Variants in RCHY1 observed in about 807,000 individuals in gnomAD.
RCHY1 encodes RING finger and CHY zinc finger domain-containing protein 1.
A neutral mutation model predicts 41.6 loss-of-function variants in RCHY1; 21 were observed. The observed-to-expected ratio is 0.51, with a 90% CI of 0.36 to 0.73. The LOEUF (loss-of-function observed/expected upper bound fraction) is 0.73, where lower values mean the gene tolerates loss of function less well. Among genes scored for constraint, RCHY1 ranks in the 30% least tolerant of loss-of-function variants. The probability of loss-of-function intolerance (pLI) is 0.00; values close to 1 mark genes in which losing one functional copy is unlikely to be tolerated. For missense variants in RCHY1, 265 were observed against 325.3 expected, an observed-to-expected ratio of 0.81 and a Z score of 1.43; for synonymous variants, 79 against 102.9, an observed-to-expected ratio of 0.77 and a Z score of 1.41.
intron 3 of RCHY1, among the ~76,000 whole-genome samples, chr4:75,495,420 A>G (rs573938975): frequency 1.3e-5 from 2 of 152,142 alleles, no homozygotes; most frequent in Admixed American, 6.6e-5. Flanking sequence ...TTCTACAATG[A>G]TAGGGTATTT....
intron 3 of RCHY1, among the ~76,000 whole-genome samples, chr4:75,503,489 G>A (rs1338086758): frequency 6.6e-6 from 1 of 152,110 alleles, no homozygotes; most frequent in African/African-American, 2.4e-5. Context: ...GAGGTCAGGA[G>A]ATCAAGACCA....
chr4:75,490,391 C>CT (rs968421016), intron 8 of RCHY1, among the ~76,000 whole-genome samples, 190 bp downstream of exon 8: 125 of 151,124 alleles, frequency 8.3e-4, no homozygotes, highest in African/African-American at 2.9e-3. Flanking sequence ...ATTCTTAAGA[C>CT]TTTTTTTTTC....
chr4:75,492,735 T>G (rs1390603228), intron 4 of RCHY1, among the ~76,000 whole-genome samples: 1 of 151,608 alleles, frequency 6.6e-6, no homozygotes, highest in Non-Finnish European at 1.5e-5. Context: ...TAGATGTAAG[T>G]TTTTGAAAGA....
chr4:75,514,400 A>C lies in RCHY1; in HGVS notation c.-114T>G, dbSNP rs946503330. 5 of 1,220,030 alleles carry C rather than the reference A, an allele frequency of 4.1e-6. No homozygotes were observed. Among genetic ancestry groups the C allele is most frequent in the African/African-American group, 1.5e-5 (1 of 66,464 alleles). The allele number at this position is 1,220,030 out of a possible 1,614,324, so 75.6% of individuals were successfully genotyped here. Reference sequence around the variant, plus strand: ...CCAGCCCCAGCGGCCACTAGCGACAATATGGCTCCTAAGCACGTGACCCGG... The same window carrying C: ...CCAGCCCCAGCGGCCACTAGCGACACTATGGCTCCTAAGCACGTGACCCGG... On this transcript the variant is annotated 5_prime_UTR_variant, in exon 1 of 9. Coordinates refer to ENST00000324439, the MANE Select transcript of RCHY1 (RefSeq NM_015436.4).
intron 8 of RCHY1, among the ~76,000 whole-genome samples, chr4:75,488,843 G>A (rs1216041101): frequency 3.9e-5 from 6 of 152,104 alleles, no homozygotes; most frequent in Admixed American, 3.3e-4. Flanking sequence ...TTGGGAGACC[G>A]AGGCGGGTGG....
At chr4:75,512,454 A>G (rs768148110) in intron 1 of RCHY1, among the ~76,000 whole-genome samples, 2 of 151,542 alleles carry the variant, frequency 1.3e-5, no homozygotes, top group African/African-American at 2.4e-5. Context: ...TCTAAGGCCA[A>G]CTCCTTCACT....
intron 3 of RCHY1, among the ~76,000 whole-genome samples, chr4:75,508,166 CAAG>C (rs1281542588): frequency 6.6e-6 from 1 of 151,942 alleles, no homozygotes; most frequent in Non-Finnish European, 1.5e-5. Flanking sequence ...CCAGCAGGGA[CAAG>C]AAGAAAGGAC....
intron 3 of RCHY1, among the ~76,000 whole-genome samples, chr4:75,506,622 A>C (rs899014196): frequency 3.3e-5 from 5 of 151,400 alleles, no homozygotes; most frequent in African/African-American, 1.2e-4. Context: ...AAAGAAAATC[A>C]AAGTAGGAGA....
chr4:75,493,803 G>C (rs1254716327), intron 4 of RCHY1, among the ~76,000 whole-genome samples: 1 of 151,738 alleles, frequency 6.6e-6, no homozygotes, highest in Non-Finnish European at 1.5e-5. Context: ...CTGTTTTAAA[G>C]TTATTCTTAA....
intron 3 of RCHY1, among the ~76,000 whole-genome samples, chr4:75,504,990 C>A (rs1724156436): frequency 6.6e-6 from 1 of 152,130 alleles, no homozygotes; most frequent in South Asian, 2.1e-4. Flanking sequence ...TTACTGTGCA[C>A]CTACTGTATA....
At chr4:75,486,994 T>C (rs534991734) in intron 8 of RCHY1, among the ~76,000 whole-genome samples, 15 of 152,118 alleles carry the variant, frequency 9.9e-5, no homozygotes, top group Admixed American at 9.2e-4. Flanking sequence ...AAAATTTTGG[T>C]CTAGTTTGAA....
Position 75,480,014 on chromosome 4 carries a change from T to C in RCHY1, c.*2524A>G, listed in dbSNP as rs1166433283. 6.6e-6 allele frequency: 1 copy of C among 152,218 alleles called. No homozygotes were observed. The highest frequency in any genetic ancestry group is 2.4e-5 in the African/African-American group (1 of 41,456). The allele number at this position is 152,218 out of a possible 1,614,324, so 9.4% of individuals were successfully genotyped here. A position where few individuals can be genotyped will look rare whatever the true frequency, so the allele number is the denominator to read the frequency against. ...GAAAAAATATTTAAGGGTAAAGTTA[T>C]GTATTTTAAGTTTTGCATACTGAAT... On this transcript the variant is annotated 3_prime_UTR_variant, in exon 9 of 9. Coordinates refer to ENST00000324439, the MANE Select transcript of RCHY1 (RefSeq NM_015436.4).
At chr4:75,512,640 AACC>A (rs1485703466) in intron 1 of RCHY1, among the ~76,000 whole-genome samples, 1 of 152,110 alleles carries the variant, frequency 6.6e-6, no homozygotes, top group African/African-American at 2.4e-5. Flanking sequence ...ATCTCCCAGC[AACC>A]ACATCTTTTT....
At chr4:75,507,361 A>G (rs1414953428) in intron 3 of RCHY1, among the ~76,000 whole-genome samples, 2 of 152,018 alleles carry the variant, frequency 1.3e-5, no homozygotes, top group Non-Finnish European at 2.9e-5. Context: ...TGAAAAATGT[A>G]TAACTAACAA....
At position 75,514,257 on chromosome 4, in the gene RCHY1, G is replaced by A; in HGVS notation, c.30C>T (p.Ala10=). 1 of 1,612,762 alleles carries A rather than the reference G, an allele frequency of 6.2e-7. No individual in the cohort carries two copies. Among genetic ancestry groups the A allele is most frequent in the Non-Finnish European group, 8.5e-7 (1 of 1,178,872 alleles). The change falls in exon 1 of 9, where the codon GCC becomes GCT. Residue 10 remains alanine (A), a synonymous_variant. Coordinates refer to ENST00000324439, the MANE Select transcript of RCHY1 (RefSeq NM_015436.4). MAATAREDG[A]SGQERGQRGC... ...CCCGCTGACCTCGCTCTTGACCGCT[G>A]GCGCCATCTTCCCGGGCCGTCGCCG...
intron 3 of RCHY1, among the ~76,000 whole-genome samples, chr4:75,500,618 GATGAACAGC>G (rs1723658532): frequency 6.6e-6 from 1 of 152,094 alleles, no homozygotes; most frequent in Non-Finnish European, 1.5e-5. Flanking sequence ...CTTGCCTAAG[GATGAACAGC>G]AATTTTTCAA....
intron 3 of RCHY1, among the ~76,000 whole-genome samples, chr4:75,504,205 C>T (rs141036251): frequency 6.6e-6 from 1 of 152,178 alleles, no homozygotes; most frequent in Non-Finnish European, 1.5e-5. Context: ...AATCTAGTAT[C>T]AGTTATTTAC....
At position 75,480,110 on chromosome 4, in the gene RCHY1, T is replaced by C. The variant is rs887866680; in HGVS notation, c.*2428A>G. 6.6e-6 allele frequency: 1 copy of C among 152,220 alleles called. No individual in the cohort carries two copies. Among genetic ancestry groups the C allele is most frequent in the Non-Finnish European group, 1.5e-5 (1 of 68,036 alleles). 9.4% of individuals were successfully genotyped at this position (152,220 alleles called of 1,614,324 possible). ...AAGGATTTTAATCATCGAGTTGACGTGTCATGAACAAATACTTGAAGCAAC... is the reference window on the plus strand; with the variant it reads ...AAGGATTTTAATCATCGAGTTGACGCGTCATGAACAAATACTTGAAGCAAC... On this transcript the variant is annotated 3_prime_UTR_variant, in exon 9 of 9. Coordinates refer to ENST00000324439, the MANE Select transcript of RCHY1 (RefSeq NM_015436.4).
At chr4:75,508,671 T>C (rs1724567727) in intron 3 of RCHY1, 149 bp downstream of exon 3, 1 of 485,250 alleles carries the variant, frequency 2.1e-6, no homozygotes, top group Non-Finnish European at 3.6e-6. Context: ...GTAAAAGAGA[T>C]ACCGGTATTT....
Sources: allele counts gnomAD v4.1 joint callset (sites outside exome capture counted in the v4.1 genomes callset), GRCh38; gene constraint gnomAD v4.1.1; transcripts MANE v1.5; gene names NCBI Gene and HGNC (gene_info 2026-07-23, HGNC 2026-07-21).